RFPL1: variants seen among roughly 807,000 people sequenced by gnomAD.
RFPL1 encodes the protein ret finger protein like 1, also known as ret finger protein-like 1.
A neutral mutation model predicts 9.6 loss-of-function variants in RFPL1; 6 were observed. The observed-to-expected ratio is 0.62, with a 90% confidence interval of 0.34 to 1.23. RFPL1 has a LOEUF of 1.23. Ranked by LOEUF, RFPL1 falls within the 50% of genes most tolerant of loss-of-function variation. RFPL1 has a pLI of 0.03. For missense variants in RFPL1, 352 were observed against 398.4 expected (o/e 0.88, Z 0.99); for synonymous variants, 145 against 149.4 (o/e 0.97, Z 0.22).
the RFPL1 span, among the ~76,000 whole-genome samples, chr22:29,427,428 C>G: frequency 6.6e-6 from 1 of 152,168 alleles, no homozygotes; most frequent in South Asian, 2.1e-4. Flanking sequence ...ATTTACCCTG[C>G]CTTGACCTAG....
the RFPL1 span, chr22:29,419,311 C>A: frequency 1.2e-6 from 1 of 843,122 alleles, no homozygotes; most frequent in African/African-American, 1.7e-5. Context: ...TGGCAGGGGA[C>A]AATTCCCAGT....
the RFPL1 span, among the ~76,000 whole-genome samples, chr22:29,394,804 G>A: frequency 2.0e-5 from 3 of 152,216 alleles, no homozygotes; most frequent in African/African-American, 7.2e-5. Context: ...GGCCACTGAA[G>A]TCCTGAAATG....
the RFPL1 span, among the ~76,000 whole-genome samples, chr22:29,389,685 CAAA>C: frequency 5.3e-5 from 4 of 75,560 alleles, no homozygotes; most frequent in Non-Finnish European, 2.8e-5. Flanking sequence ...GACTCCGTCT[CAAA>C]AAAAAAAAAA....
the RFPL1 span, among the ~76,000 whole-genome samples, chr22:29,391,395 G>A: frequency 1.3e-5 from 2 of 152,266 alleles, no homozygotes; most frequent in Non-Finnish European, 2.9e-5. Context: ...CAGCATGTGT[G>A]ATATGCAACT....
At chr22:29,399,668 G>A in the RFPL1 span, among the ~76,000 whole-genome samples, 2 of 152,150 alleles carry the variant, frequency 1.3e-5, no homozygotes, top group Non-Finnish European at 2.9e-5. Context: ...TATTACCCCT[G>A]CTCCTCTGCT....
chr22:29,417,768 G>A, the RFPL1 span, among the ~76,000 whole-genome samples: 1 of 151,742 alleles, frequency 6.6e-6, no homozygotes, highest in East Asian at 1.9e-4. Flanking sequence ...TCCAGTCTCT[G>A]CCTTTGAGAT....
upstream of RFPL1, chr22:29,437,299 T>C: frequency 4.2e-6 from 1 of 236,730 alleles, no homozygotes; most frequent in Non-Finnish European, 8.2e-6. Flanking sequence ...TTTAAACCAT[T>C]TTGTAAAATT....
upstream of RFPL1, among the ~76,000 whole-genome samples, chr22:29,435,564 A>G (rs2062804700): frequency 6.6e-6 from 1 of 152,074 alleles, no homozygotes; most frequent in South Asian, 2.1e-4. Context: ...ACCGGATCCA[A>G]TTCATTCCAA....
At chr22:29,423,007 TC>T in the RFPL1 span, 1 of 844,808 alleles carries the variant, frequency 1.2e-6, no homozygotes, top group Non-Finnish European at 2.0e-6. Flanking sequence ...TCTAGGTCAT[TC>T]CTGCCACATG....
chr22:29,417,785 A>G, the RFPL1 span, among the ~76,000 whole-genome samples: 2 of 152,004 alleles, frequency 1.3e-5, no homozygotes. Context: ...AGATTTTACA[A>G]TCTGGTGAGC....
upstream of RFPL1, chr22:29,436,883 A>T (rs550393662): frequency 1.3e-5 from 2 of 152,336 alleles, no homozygotes; most frequent in African/African-American, 2.4e-5. Context: ...GCCAAAGGGA[A>T]TAGGGAAAAT....
At chr22:29,399,076 TA>T in the RFPL1 span, among the ~76,000 whole-genome samples, 1 of 152,322 alleles carries the variant, frequency 6.6e-6, no homozygotes, top group Middle Eastern at 3.4e-3. Context: ...ATTGAATGAA[TA>T]GGTGAATAAA....
the RFPL1 span, among the ~76,000 whole-genome samples, chr22:29,406,034 G>A: frequency 2.2e-5 from 3 of 139,086 alleles, no homozygotes; most frequent in Non-Finnish European, 3.1e-5. Context: ...GCGTGAACCC[G>A]GGAAGCAGAG....
At chr22:29,420,973 C>G in the RFPL1 span, among the ~76,000 whole-genome samples, 1 of 152,024 alleles carries the variant, frequency 6.6e-6, no homozygotes, top group African/African-American at 2.4e-5. Context: ...CAGTCCCATA[C>G]TAACTTGTTC....
the RFPL1 span, among the ~76,000 whole-genome samples, chr22:29,403,747 T>C: frequency 6.6e-6 from 1 of 152,264 alleles, no homozygotes; most frequent in South Asian, 2.1e-4. Flanking sequence ...GTGTCTCTCC[T>C]ATTAAGTGAA....
chr22:29,421,797 C>G, the RFPL1 span, among the ~76,000 whole-genome samples: 11 of 151,862 alleles, frequency 7.2e-5, no homozygotes, highest in South Asian at 1.9e-3. Context: ...CACAGTCCCC[C>G]CTGGACCCAG....
At chr22:29,402,174 C>T in the RFPL1 span, among the ~76,000 whole-genome samples, 4 of 152,172 alleles carry the variant, frequency 2.6e-5, no homozygotes, top group African/African-American at 9.7e-5. Context: ...CCATCTTGAG[C>T]CGTCATGGAA....
At chr22:29,441,185 G>T in intron 1 of RFPL1, 1 of 268,872 alleles carries the variant, frequency 3.7e-6, no homozygotes, top group Non-Finnish European at 7.1e-6. Flanking sequence ...ATTTAACATC[G>T]ACCATTTGCA....
chr22:29,435,157 G>A (rs1239224194), upstream of RFPL1, among the ~76,000 whole-genome samples: 3 of 152,166 alleles, frequency 2.0e-5, no homozygotes, highest in African/African-American at 7.2e-5. Context: ...ATAAGAAATT[G>A]CCTTTTAAAT....
Sources: gnomAD v4.1 joint callset for allele counts (sites outside exome capture counted in the v4.1 genomes callset) on GRCh38, gnomAD v4.1.1 for gene constraint, MANE v1.5 for transcripts, NCBI Gene and HGNC (gene_info 2026-07-23, HGNC 2026-07-21) for gene names.